Variants in EXOC6B observed in about 807,000 individuals in gnomAD.
The protein encoded by EXOC6B is SEC15 homolog B.
Under a neutral mutation model 113.5 loss-of-function variants are expected in EXOC6B, and 54 were observed. The ratio of observed to expected loss-of-function variants is 0.48; its 90% CI spans 0.38 to 0.60. The LOEUF (loss-of-function observed/expected upper bound fraction) is 0.60. Ranked by LOEUF, EXOC6B falls within the 20% of genes least tolerant of loss-of-function variation. The probability of loss-of-function intolerance (pLI) is 0.00; values close to 1 mark genes in which losing one functional copy is unlikely to be tolerated. For missense variants in EXOC6B, 797 were observed against 977.5 expected (o/e 0.82, Z 2.46); for synonymous variants, 357 against 339.0 (o/e 1.05, Z -0.58).
At chr2:72,763,969 C>T (rs574685783) in intron 1 of EXOC6B, among the ~76,000 whole-genome samples, 94 of 152,048 alleles carry the variant, frequency 6.2e-4, no homozygotes, top group Non-Finnish European at 1.1e-3. Context: ...GTACCAGGTA[C>T]TCGGGAGGCT....
chr2:72,445,399 T>C lies in EXOC6B; in HGVS notation c.1980+19761A>G, dbSNP rs181200284. ...TTCCAACCTCTGCCCATTAACCAGT[T>C]CCAAAGTTGCTTCCACATTTTTGGA... On this transcript the variant is annotated intron_variant, in intron 18 of 21. Transcript: ENST00000272427. 2.9e-3 allele frequency among the ~76,000 whole-genome samples: 442 copies of C among 152,256 alleles called. 1 individual carries two copies. The highest frequency in any genetic ancestry group is 0.01 in the African/African-American group (419 of 41,552).
intron 11 of EXOC6B, among the ~76,000 whole-genome samples, chr2:72,500,650 C>G (rs1404732214): frequency 6.6e-6 from 1 of 151,964 alleles, no homozygotes; most frequent in Admixed American, 6.6e-5. Context: ...ATAAAAATTA[C>G]AAATAATGTC....
intron 8 of EXOC6B, among the ~76,000 whole-genome samples, chr2:72,545,537 A>T (rs917130169): frequency 5.9e-5 from 9 of 152,100 alleles, no homozygotes; most frequent in Non-Finnish European, 1.3e-4. Flanking sequence ...TAAAATCTTC[A>T]CTCTGGTGCC....
At chr2:72,186,936 G>A (rs1678474174) in intron 20 of EXOC6B, among the ~76,000 whole-genome samples, 1 of 152,160 alleles carries the variant, frequency 6.6e-6, no homozygotes, top group Admixed American at 6.5e-5. Flanking sequence ...TGGCCCACTG[G>A]GTTTGTTCCA....
chr2:72,706,202 A>G (rs1678863225), intron 6 of EXOC6B, among the ~76,000 whole-genome samples: 1 of 152,194 alleles, frequency 6.6e-6, no homozygotes, highest in Non-Finnish European at 1.5e-5. Flanking sequence ...GATATTCACA[A>G]GAAGACACTT....
intron 18 of EXOC6B, among the ~76,000 whole-genome samples, chr2:72,415,734 T>C (rs941493543): frequency 4.6e-5 from 7 of 152,188 alleles, no homozygotes; most frequent in East Asian, 1.9e-4. Context: ...TGACTATGCA[T>C]TGACCTCATC....
At chr2:72,227,591 C>A (rs1358634625) in intron 20 of EXOC6B, among the ~76,000 whole-genome samples, 1 of 152,028 alleles carries the variant, frequency 6.6e-6, no homozygotes, top group Non-Finnish European at 1.5e-5. Flanking sequence ...ATTTGAAGAG[C>A]ACAACTGATA....
intron 16 of EXOC6B, among the ~76,000 whole-genome samples, chr2:72,488,587 T>C (rs1699558078): frequency 1.3e-5 from 2 of 152,192 alleles, no homozygotes; most frequent in Non-Finnish European, 1.5e-5. Context: ...TCTTAGTTCA[T>C]GGTATATACA....
At chr2:72,806,273 T>C (rs1427379717) in intron 1 of EXOC6B, among the ~76,000 whole-genome samples, 1 of 152,242 alleles carries the variant, frequency 6.6e-6, no homozygotes, top group Non-Finnish European at 1.5e-5. Flanking sequence ...AGTGAGAATA[T>C]GCAGTATTTG....
At chr2:72,189,838 C>G (rs975940149) in intron 20 of EXOC6B, among the ~76,000 whole-genome samples, 5 of 129,816 alleles carry the variant, frequency 3.9e-5, no homozygotes, top group Non-Finnish European at 7.9e-5. Flanking sequence ...CTGTCTCTCT[C>G]TCTCTCTTTC....
chr2:72,593,726 C>T (rs1354874577), intron 6 of EXOC6B, among the ~76,000 whole-genome samples: 1 of 150,364 alleles, frequency 6.7e-6, no homozygotes, highest in East Asian at 1.9e-4. Flanking sequence ...GAATCAAAGG[C>T]AAAACAGCAC....
intron 19 of EXOC6B, among the ~76,000 whole-genome samples, chr2:72,376,019 T>G (rs1208915900): frequency 1.3e-5 from 2 of 152,122 alleles, no homozygotes; most frequent in Non-Finnish European, 2.9e-5. Flanking sequence ...TCTGCCACAT[T>G]CTGTTGGTTA....
chr2:72,469,023 G>A (rs931070874), intron 17 of EXOC6B, among the ~76,000 whole-genome samples: 8 of 151,988 alleles, frequency 5.3e-5, no homozygotes, highest in African/African-American at 1.9e-4. Flanking sequence ...TACCCTCCAG[G>A]CTACTACCCC....
At chr2:72,532,736 A>G (rs906204597) in intron 8 of EXOC6B, among the ~76,000 whole-genome samples, 11 of 152,024 alleles carry the variant, frequency 7.2e-5, no homozygotes, top group African/African-American at 1.7e-4. Flanking sequence ...TGGACCCAGG[A>G]GGCGGAGGTT....
chr2:72,277,136 C>T (rs1010733349), intron 20 of EXOC6B, among the ~76,000 whole-genome samples: 1 of 152,098 alleles, frequency 6.6e-6, no homozygotes. Context: ...TAGTTAAGTG[C>T]CCTCCCATAA....
chr2:72,824,033 G>C (rs1686754631), intron 1 of EXOC6B, among the ~76,000 whole-genome samples: 1 of 152,104 alleles, frequency 6.6e-6, no homozygotes. Flanking sequence ...GGGGGTTGGT[G>C]GAGAGACAGG....
intron 20 of EXOC6B, among the ~76,000 whole-genome samples, chr2:72,192,678 A>C (rs1382280512): frequency 6.6e-6 from 1 of 152,158 alleles, no homozygotes; most frequent in East Asian, 1.9e-4. Flanking sequence ...CACAGATGCT[A>C]AGACACACTG....
Position 72,280,352 on chromosome 2 carries a change from C to CT in EXOC6B, c.2196+54594dup, listed in dbSNP as rs796507558. Among the ~76,000 whole-genome samples, 1,309 of 150,850 alleles carry CT rather than the reference C, an allele frequency of 8.7e-3. 15 individuals are homozygous for CT. The highest frequency in any genetic ancestry group is 0.025 in the African/African-American group (1,010 of 41,160). On this transcript the variant is annotated intron_variant, in intron 20 of 21. Coordinates refer to ENST00000272427, the MANE Select transcript of EXOC6B (RefSeq NM_015189.3). The stretch of plus-strand genomic sequence containing the variant: ...TTTTTACACACCTGTGCTCATAACC[C>CT]TTTTTTTTTAGAAAATGTCAAGATA...
At chr2:72,579,246 G>A (rs1323612504) in intron 6 of EXOC6B, among the ~76,000 whole-genome samples, 1 of 152,030 alleles carries the variant, frequency 6.6e-6, no homozygotes, top group African/African-American at 2.4e-5. Flanking sequence ...CAAGCAATAG[G>A]AACCATGAAA....
Sources: allele counts gnomAD v4.1 joint callset (sites outside exome capture counted in the v4.1 genomes callset), GRCh38; gene constraint gnomAD v4.1.1; transcripts MANE v1.5; gene names NCBI Gene and HGNC (gene_info 2026-07-23, HGNC 2026-07-21).